Variants in RANBP2 observed in about 807,000 individuals in gnomAD.
The protein encoded by RANBP2 is E3 SUMO-protein ligase RanBP2.
RANBP2 carries 57 observed loss-of-function variants against 303.6 expected under a neutral mutation model. The observed-to-expected ratio is 0.19, with a 90% CI of 0.15 to 0.23. RANBP2 has a LOEUF of 0.23. RANBP2 is among the 10% of genes least tolerant of loss of function. The probability of loss-of-function intolerance (pLI) is 1.00; values close to 1 mark genes in which losing one functional copy is unlikely to be tolerated. For missense variants in RANBP2, 3,138 were observed against 3,780.8 expected, an observed-to-expected ratio of 0.83 and a Z score of 4.46; for synonymous variants, 1,167 against 1,301.5, an observed-to-expected ratio of 0.90 and a Z score of 2.23.
chr2:109,191,875 T>C, the RANBP2 span, among the ~76,000 whole-genome samples: 1 of 152,154 alleles, frequency 6.6e-6, no homozygotes, highest in Non-Finnish European at 1.5e-5. Context: ...ACCAGCATTT[T>C]TGAAACCTTT....
At position 108,766,266 on chromosome 2, in the gene RANBP2, AAAG is replaced by A. The variant is rs779341834; in HGVS notation, c.5730_5732del (p.Lys1911del). On this transcript the variant is annotated inframe_deletion, in exon 20 of 29. Coordinates refer to ENST00000283195, the MANE Select transcript of RANBP2 (RefSeq NM_006267.5). Reference sequence around the variant, plus strand: ...GCATTTCGGAACCAGGAAATCAAGAAAAGAAAAGTGAAAAGCCTCTTGAAAATG... The same window carrying A: ...GCATTTCGGAACCAGGAAATCAAGAAAAAAGTGAAAAGCCTCTTGAAAATG... 30 of 1,612,056 alleles carry A rather than the reference AAAG, an allele frequency of 1.9e-5. No homozygotes were observed. Among genetic ancestry groups the A allele is most frequent in the African/African-American group, 4.0e-5 (3 of 74,838 alleles).
At chr2:109,050,850 G>A in the RANBP2 span, among the ~76,000 whole-genome samples, 1 of 151,792 alleles carries the variant, frequency 6.6e-6, no homozygotes, top group Admixed American at 6.6e-5. Flanking sequence ...ACTACAAAAG[G>A]GGACCACGTA....
the RANBP2 span, among the ~76,000 whole-genome samples, chr2:109,445,486 C>T: frequency 6.6e-6 from 1 of 151,928 alleles, no homozygotes; most frequent in African/African-American, 2.4e-5. Flanking sequence ...TAAGAAAGAG[C>T]CAGTGTACAC....
the RANBP2 span, among the ~76,000 whole-genome samples, chr2:108,879,747 A>G: frequency 0.018 from 2,768 of 152,110 alleles, 74 homozygotes; most frequent in African/African-American, 0.064. Flanking sequence ...AGCCGCTATC[A>G]TTGTTGTGAC....
the RANBP2 span, among the ~76,000 whole-genome samples, chr2:109,184,894 G>A: frequency 6.6e-5 from 10 of 152,192 alleles, no homozygotes; most frequent in Admixed American, 6.5e-5. Context: ...AGCGAAAAAG[G>A]CCTCATCAAA....
At chr2:108,912,387 C>T in the RANBP2 span, among the ~76,000 whole-genome samples, 9 of 152,236 alleles carry the variant, frequency 5.9e-5, no homozygotes, top group Non-Finnish European at 1.3e-4. Flanking sequence ...CCTGGTCTCT[C>T]CTCCTGGCCG....
At chr2:108,846,859 C>T in the RANBP2 span, 3 of 1,613,676 alleles carry the variant, frequency 1.9e-6, no homozygotes, top group South Asian at 3.3e-5. Context: ...AAGACAGCTG[C>T]TTTCTTTAAG....
chr2:109,234,698 G>T, the RANBP2 span, among the ~76,000 whole-genome samples: 1 of 152,244 alleles, frequency 6.6e-6, no homozygotes, highest in African/African-American at 2.4e-5. Context: ...TGAGAAGAGA[G>T]TGAGGCTGAT....
the RANBP2 span, among the ~76,000 whole-genome samples, chr2:109,560,544 T>C: frequency 6.6e-6 from 1 of 152,220 alleles, no homozygotes; most frequent in Non-Finnish European, 1.5e-5. Context: ...GAATTAATCA[T>C]TTAAATACCC....
the RANBP2 span, chr2:109,593,254 T>A: frequency 8.0e-6 from 4 of 497,058 alleles, no homozygotes; most frequent in East Asian, 1.3e-4. Flanking sequence ...GTAGTCTACA[T>A]TATTGAATCG....
At chr2:109,053,759 G>A in the RANBP2 span, among the ~76,000 whole-genome samples, 3 of 152,212 alleles carry the variant, frequency 2.0e-5, no homozygotes, top group African/African-American at 4.8e-5. Context: ...ATAAACAGGG[G>A]TAAGGACTCC....
At chr2:108,912,826 A>G in the RANBP2 span, 2 of 1,372,652 alleles carry the variant, frequency 1.5e-6, no homozygotes, top group Admixed American at 2.0e-5. Flanking sequence ...AGACGCTGCC[A>G]CAGAGCTCAT....
the RANBP2 span, among the ~76,000 whole-genome samples, chr2:109,133,150 G>A: frequency 1.3e-5 from 2 of 152,160 alleles, no homozygotes; most frequent in Admixed American, 1.3e-4. Context: ...GGCACTGACC[G>A]GTGTCACTCC....
At chr2:109,392,020 T>C in the RANBP2 span, among the ~76,000 whole-genome samples, 1 of 151,962 alleles carries the variant, frequency 6.6e-6, no homozygotes, top group Non-Finnish European at 1.5e-5. Context: ...CTCACTATAT[T>C]ACCCAGGCTG....
chr2:108,807,423 G>A, the RANBP2 span, among the ~76,000 whole-genome samples: 1 of 152,090 alleles, frequency 6.6e-6, no homozygotes, highest in Non-Finnish European at 1.5e-5. Context: ...GGGGTACAGT[G>A]ATATTTGATA....
chr2:108,857,541 C>G, the RANBP2 span, among the ~76,000 whole-genome samples: 3 of 152,170 alleles, frequency 2.0e-5, no homozygotes. Flanking sequence ...TACCAAAGCA[C>G]TGTAACTAGG....
At chr2:108,869,363 C>T in the RANBP2 span, among the ~76,000 whole-genome samples, 1 of 152,152 alleles carries the variant, frequency 6.6e-6, no homozygotes, top group Non-Finnish European at 1.5e-5. Flanking sequence ...TTCTCCATTC[C>T]CTTCCTCAGG....
At chr2:109,268,388 A>G in the RANBP2 span, among the ~76,000 whole-genome samples, 2 of 151,916 alleles carry the variant, frequency 1.3e-5, no homozygotes, top group African/African-American at 2.4e-5. Context: ...CACCCGCACA[A>G]CTGCAGCAGG....
chr2:109,518,087 G>A, the RANBP2 span, among the ~76,000 whole-genome samples: 2 of 152,250 alleles, frequency 1.3e-5, no homozygotes, highest in Non-Finnish European at 2.9e-5. Flanking sequence ...TACAAGGTCC[G>A]CTTTTCTAAT....
Sources: gnomAD v4.1 joint callset for allele counts (sites outside exome capture counted in the v4.1 genomes callset) on GRCh38, gnomAD v4.1.1 for gene constraint, MANE v1.5 for transcripts, NCBI Gene and HGNC (gene_info 2026-07-23, HGNC 2026-07-21) for gene names.